TMEM106B: variants seen among roughly 807,000 people sequenced by gnomAD.
The protein encoded by TMEM106B is transmembrane protein 106B.
A neutral mutation model predicts 31.1 loss-of-function variants in TMEM106B; 15 were observed. The observed-to-expected ratio is 0.48, with a 90% confidence interval of 0.32 to 0.74. The LOEUF (loss-of-function observed/expected upper bound fraction) is 0.74, where lower values mean the gene tolerates loss of function less well. TMEM106B is among the 30% of genes least tolerant of loss of function. The pLI, the probability that TMEM106B is intolerant of heterozygous loss-of-function variation, is 0.03. For synonymous variants in TMEM106B, 126 were observed against 112.5 expected (o/e 1.12, Z -0.76); for missense variants, 283 against 327.3 (o/e 0.86, Z 1.04).
chr7:12,226,713 A>G (rs535608310), intron 4 of TMEM106B, among the ~76,000 whole-genome samples: 1 of 152,176 alleles, frequency 6.6e-6, no homozygotes, highest in South Asian at 2.1e-4. Context: ...GATCCCGTGG[A>G]TCCATTTATT....
chr7:12,225,155 A>T (rs984213501), intron 4 of TMEM106B, among the ~76,000 whole-genome samples: 1 of 152,098 alleles, frequency 6.6e-6, no homozygotes, highest in Admixed American at 6.5e-5. Context: ...GCTTAGAATG[A>T]TGGTTTCCAG....
intron 6 of TMEM106B, 149 bp from the exon 7 acceptor site, chr7:12,230,913 A>T (rs1357113102): frequency 1.3e-5 from 7 of 529,070 alleles, no homozygotes; most frequent in African/African-American, 2.1e-5. Context: ...TCATGAATAT[A>T]TCAGTCATTG....
At position 12,224,116 on chromosome 7, in the gene TMEM106B, C is replaced by A. The variant is rs1473939874; in HGVS notation, c.282-110C>A. 13 of 998,820 alleles carry A rather than the reference C, an allele frequency of 1.3e-5. No homozygotes were observed. In the East Asian group the frequency reaches 3.1e-4, roughly 24 times the overall value. The allele number at this position is 998,820 out of a possible 1,614,324, so 61.9% of individuals were successfully genotyped here. On this transcript the variant is annotated intron_variant, in intron 3 of 7. Coordinates refer to ENST00000396668, the MANE Select transcript of TMEM106B (RefSeq NM_001134232.2). ...GTGAAAATTTGGTAACATTTAGCAT[C>A]TTATATATGTTGCTGCTGATATATG...
At chr7:12,230,932 A>G (rs1583221038) in intron 6 of TMEM106B, 130 bp from the exon 7 acceptor site, 3 of 541,494 alleles carry the variant, frequency 5.5e-6, no homozygotes. Flanking sequence ...TGTTTGAAGT[A>G]TAGAAAATTC....
chr7:12,238,957 AAG>A lies in TMEM106B; in HGVS notation c.*6987_*6988del, dbSNP rs1002455112. ...AAGTCACCAGCTACATTCACCACTA[AAG>A]AGAGTCAGCCTGTCCTTTAAAGCTT... On this transcript the variant is annotated 3_prime_UTR_variant, in exon 8 of 8. Transcript: ENST00000396668. The A allele has an allele frequency of 2.0e-5, 3 of 152,152 alleles. No homozygotes were observed. The highest frequency in any genetic ancestry group is 4.8e-5 in the African/African-American group (2 of 41,448). 9.4% of individuals were successfully genotyped at this position (152,152 alleles called of 1,614,324 possible).
At chr7:12,230,526 C>A in intron 6 of TMEM106B, 88 bp downstream of exon 6, 1 of 890,410 alleles carries the variant, frequency 1.1e-6, no homozygotes, top group South Asian at 1.7e-5. Context: ...TTTTAATTTC[C>A]GTTATCAGTC....
rs1282026495 is a variant in TMEM106B at position 12,234,512 on chromosome 7, A to G, written c.*2537A>G. On this transcript the variant is annotated 3_prime_UTR_variant, in exon 8 of 8. Coordinates refer to ENST00000396668, the MANE Select transcript of TMEM106B (RefSeq NM_001134232.2). ...CTACAAACACACATTCAGGTGAAGCAGAAGTATAGCCATAAAACATCTAGA... is the reference window on the plus strand; with the variant it reads ...CTACAAACACACATTCAGGTGAAGCGGAAGTATAGCCATAAAACATCTAGA... The G allele has an allele frequency of 1.3e-5, 2 of 151,936 alleles. No individual in the cohort carries two copies. Among genetic ancestry groups the G allele is most frequent in the Admixed American group, 6.6e-5 (1 of 15,232 alleles). The allele number at this position is 151,936 out of a possible 1,614,324, so 9.4% of individuals were successfully genotyped here.
chr7:12,238,656 CGTTGT>C lies in TMEM106B; in HGVS notation c.*6685_*6689del, dbSNP rs1266059567. ...CCCTGATCCATGGCTGCAGAATGCA[CGTTGT>C]GTTAAGAGGCATGAAAACAACATTA... On this transcript the variant is annotated 3_prime_UTR_variant, in exon 8 of 8. Coordinates refer to ENST00000396668, the MANE Select transcript of TMEM106B (RefSeq NM_001134232.2). 9 of 152,124 alleles carry C rather than the reference CGTTGT, an allele frequency of 5.9e-5. No individual in the cohort carries two copies. The highest frequency in any genetic ancestry group is 1.2e-4 in the Non-Finnish European group (8 of 68,028). 9.4% of individuals were successfully genotyped at this position (152,124 alleles called of 1,614,324 possible).
chr7:12,212,411 G>A (rs972103237), intron 1 of TMEM106B, among the ~76,000 whole-genome samples: 10 of 151,974 alleles, frequency 6.6e-5, no homozygotes, highest in African/African-American at 2.4e-4. Context: ...GTGGCTGACA[G>A]GTGTTGATTA....
In TMEM106B at chr7:12,230,457, TAAC is replaced by T. The variant is rs557263817; in HGVS notation, c.632+20_632+22del. The T allele has an allele frequency of 3.8e-4, 559 of 1,460,738 alleles. 5 individuals are homozygous for T. The African/African-American group carries it at 7.0e-3, about 18-fold the overall frequency. 90.5% of individuals were successfully genotyped at this position (1,460,738 alleles called of 1,614,324 possible). A position where few individuals can be genotyped will look rare whatever the true frequency, so the allele number is the denominator to read the frequency against. ...ATATGTAGTAAGTTCTGATTTATAA[TAAC>T]TTTTTATTGTCAAATAATGAAGTGT... is the stretch of plus-strand genomic sequence containing the variant. On this transcript the variant is annotated intron_variant, in intron 6 of 7. Coordinates refer to ENST00000396668, the MANE Select transcript of TMEM106B (RefSeq NM_001134232.2).
Position 12,233,235 on chromosome 7 carries a change from ATTTTTTT to A in TMEM106B, c.*1269_*1275del. Reference sequence around the variant, plus strand: ...TTTTATATTTTCAGTATCATTTTTCATTTTTTTTTTTTTTTGTCTTTTCACTTACCAA... The same window carrying A: ...TTTTATATTTTCAGTATCATTTTTCATTTTTTTTGTCTTTTCACTTACCAA... On this transcript the variant is annotated 3_prime_UTR_variant, in exon 8 of 8. Coordinates refer to ENST00000396668, the MANE Select transcript of TMEM106B (RefSeq NM_001134232.2). The A allele has an allele frequency of 2.3e-5, 2 of 87,214 alleles. No homozygotes were observed. Among genetic ancestry groups the A allele is most frequent in the South Asian group, 8.8e-4 (2 of 2,274 alleles). 5.4% of individuals were successfully genotyped at this position (87,214 alleles called of 1,614,324 possible). A position where few individuals can be genotyped will look rare whatever the true frequency, so the allele number is the denominator to read the frequency against.
chr7:12,230,591 T>G, intron 6 of TMEM106B, 153 bp downstream of exon 6: 1 of 528,264 alleles, frequency 1.9e-6, no homozygotes, highest in Admixed American at 3.7e-5. Flanking sequence ...TTCCTCTTTT[T>G]CAACATATAT....
chr7:12,239,707 G>A lies in TMEM106B; in HGVS notation c.*7732G>A, dbSNP rs1193897014. ...TTGTCTCAAGGAGAGAGGGATGTGG[G>A]AACAGCTGGTTAGGAGAGCAGTCCG... On this transcript the variant is annotated 3_prime_UTR_variant, in exon 8 of 8. Transcript: ENST00000396668. 3.9e-5 allele frequency: 6 copies of A among 152,066 alleles called. No homozygotes were observed. Among genetic ancestry groups the A allele is most frequent in the Non-Finnish European group, 8.8e-5 (6 of 68,014 alleles). The allele number at this position is 152,066 out of a possible 1,614,324, so 9.4% of individuals were successfully genotyped here.
intron 4 of TMEM106B, among the ~76,000 whole-genome samples, chr7:12,226,812 C>T (rs1299045937): frequency 6.6e-6 from 1 of 151,966 alleles, no homozygotes; most frequent in African/African-American, 2.4e-5. Context: ...GTGAATAAAA[C>T]GTTTGTAACA....
In TMEM106B at chr7:12,228,405, T is replaced by C. The variant is rs117987191; in HGVS notation, c.442-1274T>C. On this transcript the variant is annotated intron_variant, in intron 4 of 7. Coordinates refer to ENST00000396668, the MANE Select transcript of TMEM106B (RefSeq NM_001134232.2). ...TATTTAGTACTTATTTATGTGCATC[T>C]TGGTTTTCACATTTGTTAATACCTT... Among the ~76,000 whole-genome samples the C allele has an allele frequency of 1.6e-4, 25 of 152,076 alleles. No homozygotes were observed. The East Asian group carries it at 4.2e-3, about 26-fold the overall frequency.
At chr7:12,214,046 C>A (rs542265716) in intron 1 of TMEM106B, among the ~76,000 whole-genome samples, 4 of 152,196 alleles carry the variant, frequency 2.6e-5, no homozygotes, top group African/African-American at 9.6e-5. Flanking sequence ...TATCAAATCC[C>A]AACCTGACTC....
intron 2 of TMEM106B, 83 bp downstream of exon 2, chr7:12,215,110 A>G: frequency 1.7e-6 from 2 of 1,205,352 alleles, no homozygotes; most frequent in Non-Finnish European, 1.2e-6. Context: ...CTCAGGAACC[A>G]CCTGTTTTAG....
rs1259799307 is a variant in TMEM106B at position 12,242,779 on chromosome 7, GC to G, written c.*10806del. 2 of 151,906 alleles carry G rather than the reference GC, an allele frequency of 1.3e-5. No homozygotes were observed. The highest frequency in any genetic ancestry group is 2.4e-5 in the African/African-American group (1 of 41,374). 9.4% of individuals were successfully genotyped at this position (151,906 alleles called of 1,614,324 possible). On this transcript the variant is annotated 3_prime_UTR_variant, in exon 8 of 8. Coordinates refer to ENST00000396668, the MANE Select transcript of TMEM106B (RefSeq NM_001134232.2). ...CTGTTAATAGCTGGCTATTTTGTAA[GC>G]CTGTATCTGGTTTAAAAAAAAGAAG...
chr7:12,220,579 C>T (rs531545302), intron 3 of TMEM106B, among the ~76,000 whole-genome samples: 2 of 152,252 alleles, frequency 1.3e-5, no homozygotes, highest in East Asian at 1.9e-4. Flanking sequence ...ACTTAGATGC[C>T]ATTTCTATCA....
Sources: gnomAD v4.1 joint callset for allele counts (sites outside exome capture counted in the v4.1 genomes callset) on GRCh38, gnomAD v4.1.1 for gene constraint, MANE v1.5 for transcripts, NCBI Gene and HGNC (gene_info 2026-07-23, HGNC 2026-07-21) for gene names.